MRC2: variants seen among roughly 807,000 people sequenced by gnomAD.
The protein encoded by MRC2 is C-type mannose receptor 2.
MRC2 carries 84 observed loss-of-function variants against 206.2 expected under a neutral mutation model. That is an observed-to-expected ratio of 0.41 (90% CI 0.34 to 0.49). The LOEUF (loss-of-function observed/expected upper bound fraction) is 0.49, where lower values mean the gene tolerates loss of function less well. MRC2 is among the 20% of genes least tolerant of loss of function. The probability of loss-of-function intolerance (pLI) is 0.31; values close to 1 mark genes in which losing one functional copy is unlikely to be tolerated. For synonymous variants in MRC2, 798 were observed against 800.0 expected, an observed-to-expected ratio of 1.00 and a Z score of 0.04; for missense variants, 1,676 against 2,001.5, an observed-to-expected ratio of 0.84 and a Z score of 3.10.
intron 1 of MRC2, among the ~76,000 whole-genome samples, chr17:62,656,521 G>C (rs2088621190): frequency 6.6e-6 from 1 of 152,184 alleles, no homozygotes; most frequent in South Asian, 2.1e-4. Flanking sequence ...CCCTTACAGT[G>C]CTTCATAAAT....
chr17:62,634,133 G>T (rs2088281976), intron 1 of MRC2, among the ~76,000 whole-genome samples: 1 of 152,156 alleles, frequency 6.6e-6, no homozygotes, highest in Admixed American at 6.5e-5. Context: ...TGGGAAAGGG[G>T]TGGGCAATTC....
intron 1 of MRC2, among the ~76,000 whole-genome samples, chr17:62,630,162 G>C (rs552224027): frequency 6.6e-6 from 1 of 152,206 alleles, no homozygotes; most frequent in African/African-American, 2.4e-5. Flanking sequence ...TCTGGAAAAA[G>C]AAAATCGTGT....
intron 1 of MRC2, among the ~76,000 whole-genome samples, chr17:62,632,901 G>A (rs2088263902): frequency 6.6e-6 from 1 of 152,178 alleles, no homozygotes; most frequent in Non-Finnish European, 1.5e-5. Flanking sequence ...GCTGAGCAGT[G>A]GCCCCTTCCT....
intron 1 of MRC2, among the ~76,000 whole-genome samples, chr17:62,640,072 T>C (rs2088381868): frequency 7.0e-6 from 1 of 143,448 alleles, no homozygotes; most frequent in African/African-American, 2.6e-5. Flanking sequence ...GGTTTCTTCA[T>C]GTTGGTCAGG....
intron 20 of MRC2, among the ~76,000 whole-genome samples, chr17:62,683,403 A>T (rs1298949833): frequency 6.6e-6 from 1 of 151,362 alleles, no homozygotes; most frequent in African/African-American, 2.4e-5. Flanking sequence ...TGGAGGCGGA[A>T]GTTGCGGTGA....
At chr17:62,633,946 A>C (rs1238741660) in intron 1 of MRC2, among the ~76,000 whole-genome samples, 1 of 150,744 alleles carries the variant, frequency 6.6e-6, no homozygotes, top group Admixed American at 6.6e-5. Context: ...GAACTCACGC[A>C]AGAAAGAATT....
Position 62,671,993 on chromosome 17 carries a change from C to T in MRC2, c.1307-5C>T. 2 of 1,614,138 alleles carry T rather than the reference C, an allele frequency of 1.2e-6. No individual in the cohort carries two copies. Among genetic ancestry groups the T allele is most frequent in the Non-Finnish European group, 1.7e-6 (2 of 1,180,024 alleles). On this transcript the variant is annotated splice_region_variant and splice_polypyrimidine_tract_variant and intron_variant, in intron 7 of 29. Coordinates refer to ENST00000303375, the MANE Select transcript of MRC2 (RefSeq NM_006039.5). This position sits in a 1 kb window ranked among gnomAD's most constrained non-coding sequence, Gnocchi z 4.5. Reference sequence around the variant, plus strand: ...CTCTCCCCTCCTCTCCTGCTGCACCCCCAGAGGTGGAGGAGCTGTGGATCG... The same window carrying T: ...CTCTCCCCTCCTCTCCTGCTGCACCTCCAGAGGTGGAGGAGCTGTGGATCG...
At chr17:62,648,532 G>A (rs2088518676) in intron 1 of MRC2, among the ~76,000 whole-genome samples, 5 of 152,194 alleles carry the variant, frequency 3.3e-5, no homozygotes, top group Admixed American at 3.3e-4. Context: ...GAATGTGGCT[G>A]AAAGAGTGCA....
At chr17:62,669,137 C>T (rs1205533783) in intron 6 of MRC2, among the ~76,000 whole-genome samples, 1 of 151,498 alleles carries the variant, frequency 6.6e-6, no homozygotes, top group East Asian at 1.9e-4. Context: ...ACACTAACTA[C>T]AGACAGTAAA....
intron 1 of MRC2, among the ~76,000 whole-genome samples, chr17:62,645,859 T>C (rs1192676972): frequency 1.3e-5 from 2 of 151,096 alleles, no homozygotes; most frequent in Non-Finnish European, 3.0e-5. Flanking sequence ...AAAAACTTTA[T>C]AGAGATGTTT....
chr17:62,636,139 A>G (rs1373313072), intron 1 of MRC2, among the ~76,000 whole-genome samples: 1 of 151,006 alleles, frequency 6.6e-6, no homozygotes, highest in Non-Finnish European at 1.5e-5. Flanking sequence ...CTGTAGTCTC[A>G]GCTACTCAGG....
At chr17:62,637,506 A>G (rs1004381868) in intron 1 of MRC2, among the ~76,000 whole-genome samples, 1 of 150,880 alleles carries the variant, frequency 6.6e-6, no homozygotes, top group Non-Finnish European at 1.5e-5. Flanking sequence ...ATTGCACTCC[A>G]GCCTGGGTAA....
Position 62,680,378 on chromosome 17 carries a change from G to T in MRC2, c.2438-40G>T. The T allele has an allele frequency of 5.0e-6, 8 of 1,613,882 alleles. No homozygotes were observed. The highest frequency in any genetic ancestry group is 1.1e-5 in the South Asian group (1 of 91,074). ...GGCGGGGCCAGGAATTCCAGGGAGG[G>T]TCTCCTTTCCTCACAACGTCTTTGT... On this transcript the variant is annotated intron_variant, in intron 15 of 29. Transcript: ENST00000303375. The surrounding 1 kb of genome is among the most constrained non-coding windows in gnomAD (Gnocchi z 4.8).
rs531942467 is a variant in MRC2, at chr17:62,645,062, C to T, written c.118+17142C>T. ...AAACATGAAATGACAGTACCTGGTA[C>T]GTGACTCGAATGCAACTCAGAAGGG... On this transcript the variant is annotated intron_variant, in intron 1 of 29. Transcript: ENST00000303375. Among the ~76,000 whole-genome samples the T allele has an allele frequency of 7.2e-4, 109 of 152,228 alleles. 2 individuals are homozygous for T. The South Asian group carries it at 0.011, about 15-fold the overall frequency.
intron 1 of MRC2, among the ~76,000 whole-genome samples, chr17:62,653,885 G>A (rs2088587418): frequency 6.6e-6 from 1 of 152,054 alleles, no homozygotes; most frequent in South Asian, 2.1e-4. Context: ...TGGAAGCAAT[G>A]CCCCCCTCGT....
In MRC2 at chr17:62,664,859, C is replaced by T. The variant is rs777813412; in HGVS notation, c.430C>T (p.Pro144Ser). 9 of 1,613,796 alleles carry T rather than the reference C, an allele frequency of 5.6e-6. No individual in the cohort carries two copies. Among genetic ancestry groups the T allele is most frequent in the Non-Finnish European group, 7.6e-6 (9 of 1,180,034 alleles). The change falls in exon 2 of 30, where the codon CCT (proline) becomes TCT (serine). Residue 144 changes from proline to serine, a missense_variant. Pro to Ser is a moderately conservative substitution (Grantham distance 74). Transcript: ENST00000303375. The surrounding 1 kb of genome is among the most constrained non-coding windows in gnomAD (Gnocchi z 4.7). Reference protein sequence around the residue: ...LGARTSNISKPGTLERGDQTR... With the variant: ...LGARTSNISKSGTLERGDQTR... ...GGCCCGCACCAGCAACATATCCAAGCCTGGCACCCTTGAGCGTGGTGACCA... is the reference window on the plus strand; with the variant it reads ...GGCCCGCACCAGCAACATATCCAAGTCTGGCACCCTTGAGCGTGGTGACCA...
At chr17:62,645,413 T>C (rs888500149) in intron 1 of MRC2, among the ~76,000 whole-genome samples, 2 of 148,628 alleles carry the variant, frequency 1.3e-5, no homozygotes, top group Non-Finnish European at 3.0e-5. Flanking sequence ...CTCAAAAATA[T>C]ATATATATGT....
Position 62,692,011 on chromosome 17 carries a change from C to T in MRC2, c.4193-101C>T. The T allele has an allele frequency of 6.6e-7, 1 of 1,525,398 alleles. No homozygotes were observed. Among genetic ancestry groups the T allele is most frequent in the South Asian group, 1.2e-5 (1 of 86,056 alleles). The allele number at this position is 1,525,398 out of a possible 1,614,324, so 94.5% of individuals were successfully genotyped here. ...AGGGGGAACTAGAGCCTCTTTCTCC[C>T]CAGACCTCCCGGCCCAGGCCTGTGT... is the stretch of plus-strand genomic sequence containing the variant. On this transcript the variant is annotated intron_variant, in intron 28 of 29. Coordinates refer to ENST00000303375, the MANE Select transcript of MRC2 (RefSeq NM_006039.5). The surrounding 1 kb of genome is among the most constrained non-coding windows in gnomAD (Gnocchi z 4.2).
At chr17:62,687,458 C>T (rs2089045505) in intron 20 of MRC2, among the ~76,000 whole-genome samples, 1 of 152,206 alleles carries the variant, frequency 6.6e-6, no homozygotes, top group Admixed American at 6.5e-5. Context: ...CCGTGCCTGG[C>T]CAACACCCTT....
Sources: allele counts gnomAD v4.1 joint callset (sites outside exome capture counted in the v4.1 genomes callset), GRCh38; gene constraint gnomAD v4.1.1; non-coding constraint Gnocchi (gnomAD v3.1); transcripts MANE v1.5; gene names NCBI Gene and HGNC (gene_info 2026-07-23, HGNC 2026-07-21).